The following C1orf21 variants were observed in gnomAD, a reference collection of about 807,000 sequenced individuals.
C1orf21 encodes chromosome 1 open reading frame 21.
C1orf21 carries 3 observed loss-of-function variants against 18.7 expected under a neutral mutation model. The observed-to-expected ratio is 0.16, with a 90% confidence interval of 0.07 to 0.42. C1orf21 has a LOEUF of 0.42. Among genes scored for constraint, C1orf21 ranks in the 10% least tolerant of loss-of-function variants. The probability of loss-of-function intolerance (pLI) is 0.99; values close to 1 mark genes in which losing one functional copy is unlikely to be tolerated. For missense variants in C1orf21, 104 were observed against 143.6 expected, an observed-to-expected ratio of 0.72 and a Z score of 1.41; for synonymous variants, 41 against 46.4, an observed-to-expected ratio of 0.88 and a Z score of 0.47.
intron 3 of C1orf21, among the ~76,000 whole-genome samples, chr1:184,584,192 C>T (rs1346021582): frequency 7.1e-6 from 1 of 141,294 alleles, no homozygotes; most frequent in Non-Finnish European, 1.5e-5. Flanking sequence ...CCTTTCCCAA[C>T]ACACAAATCC....
At position 184,390,308 on chromosome 1, in the gene C1orf21, CAA is replaced by C. The variant is rs202155953; in HGVS notation, c.-125+2942_-125+2943del. 8.1e-3 allele frequency among the ~76,000 whole-genome samples: 1,232 copies of C among 152,244 alleles called. 16 individuals are homozygous for C. The highest frequency in any genetic ancestry group is 0.028 in the African/African-American group (1,176 of 41,548). On this transcript the variant is annotated intron_variant, in intron 1 of 5. Transcript: ENST00000235307. ...TGGGTGGAATGGAATCCAGACGCAT[CAA>C]AGAGTTAGGAAAGGGTATGTACACA...
At chr1:184,504,910 TTC>T (rs895186658) in intron 2 of C1orf21, among the ~76,000 whole-genome samples, 20 of 152,324 alleles carry the variant, frequency 1.3e-4, no homozygotes, top group African/African-American at 4.6e-4. Flanking sequence ...TTGGTGGGGA[TTC>T]TGTCTTGATT....
intron 5 of C1orf21, among the ~76,000 whole-genome samples, chr1:184,613,919 A>G (rs548601475): frequency 3.3e-5 from 5 of 151,942 alleles, no homozygotes; most frequent in Non-Finnish European, 5.9e-5. Flanking sequence ...AGGAAGGAAA[A>G]TTGCTTGAAC....
chr1:184,510,802 T>TTC (rs74318293), intron 3 of C1orf21, among the ~76,000 whole-genome samples: 25,805 of 152,064 alleles, frequency 0.17, 2,466 homozygotes, highest in Admixed American at 0.29. Flanking sequence ...ATTGGTAGAA[T>TTC]GGGATTACAA....
intron 3 of C1orf21, among the ~76,000 whole-genome samples, chr1:184,528,761 A>G (rs1157543236): frequency 6.6e-6 from 1 of 152,184 alleles, no homozygotes; most frequent in South Asian, 2.1e-4. Flanking sequence ...TTAAATTTTA[A>G]TGGATGTGTA....
At chr1:184,509,249 T>A (rs1396086612) in intron 3 of C1orf21, among the ~76,000 whole-genome samples, 2 of 152,226 alleles carry the variant, frequency 1.3e-5, no homozygotes, top group African/African-American at 4.8e-5. Context: ...TATAACTTTT[T>A]TCCTTCTCTC....
At chr1:184,412,682 C>T (rs947259435) in intron 1 of C1orf21, among the ~76,000 whole-genome samples, 1 of 152,138 alleles carries the variant, frequency 6.6e-6, no homozygotes, top group African/African-American at 2.4e-5. Flanking sequence ...GTGGCACACA[C>T]CTGTCATCCT....
intron 3 of C1orf21, chr1:184,568,373 C>A: frequency 3.2e-6 from 1 of 312,338 alleles, no homozygotes; most frequent in Non-Finnish European, 6.3e-6. Context: ...TAAACACTAA[C>A]TCCTCCTTCC....
At chr1:184,577,682 G>C (rs919299888) in intron 3 of C1orf21, among the ~76,000 whole-genome samples, 1 of 152,042 alleles carries the variant, frequency 6.6e-6, no homozygotes, top group Non-Finnish European at 1.5e-5. Flanking sequence ...GACATGCGCA[G>C]TTTCTCAGTT....
chr1:184,413,607 C>T (rs559422600), intron 1 of C1orf21, among the ~76,000 whole-genome samples: 6 of 152,270 alleles, frequency 3.9e-5, no homozygotes, highest in Admixed American at 2.0e-4. Context: ...TTCTGAAAAA[C>T]GCCCAGGAAC....
intron 1 of C1orf21, among the ~76,000 whole-genome samples, chr1:184,410,617 T>C (rs1482368982): frequency 4.7e-5 from 1 of 21,156 alleles, no homozygotes; most frequent in Admixed American, 6.5e-4. Context: ...GCCATATATA[T>C]TATATATATA....
intron 3 of C1orf21, 45 bp downstream of exon 3, chr1:184,507,727 A>G: frequency 1.3e-6 from 2 of 1,483,906 alleles, no homozygotes; most frequent in Admixed American, 2.3e-5. Context: ...TGGTGACACT[A>G]TTGTAATAAA....
chr1:184,541,360 C>T (rs1557998352), intron 3 of C1orf21, among the ~76,000 whole-genome samples: 2 of 152,162 alleles, frequency 1.3e-5, no homozygotes, highest in Non-Finnish European at 2.9e-5. Flanking sequence ...TGACTTTGAG[C>T]ACCATCCTCA....
intron 3 of C1orf21, among the ~76,000 whole-genome samples, chr1:184,516,810 G>A (rs553078868): frequency 2.0e-5 from 3 of 152,306 alleles, no homozygotes; most frequent in Admixed American, 6.5e-5. Flanking sequence ...TTTGGGTGGG[G>A]ACACAGAGCC....
intron 1 of C1orf21, among the ~76,000 whole-genome samples, chr1:184,403,822 C>A: frequency 6.6e-6 from 1 of 152,072 alleles, no homozygotes; most frequent in East Asian, 1.9e-4. Flanking sequence ...CTGGGTCAAG[C>A]AGTAAGAAAT....
intron 2 of C1orf21, among the ~76,000 whole-genome samples, chr1:184,478,944 T>C (rs1345517232): frequency 6.6e-6 from 1 of 150,548 alleles, no homozygotes; most frequent in Non-Finnish European, 1.5e-5. Context: ...CAAATAATTC[T>C]ACTACTTTTA....
At chr1:184,539,284 G>T (rs192913865) in intron 3 of C1orf21, among the ~76,000 whole-genome samples, 31 of 152,150 alleles carry the variant, frequency 2.0e-4, no homozygotes, top group Non-Finnish European at 4.3e-4. Context: ...TGTAAATGTG[G>T]TATATTACAT....
chr1:184,462,590 AT>A (rs1165405517), intron 1 of C1orf21, among the ~76,000 whole-genome samples: 2 of 152,100 alleles, frequency 1.3e-5, no homozygotes, highest in African/African-American at 4.8e-5. Flanking sequence ...TGAACACAGT[AT>A]TTGTGTTCTC....
At chr1:184,495,208 T>C (rs1282612523) in intron 2 of C1orf21, among the ~76,000 whole-genome samples, 2 of 152,170 alleles carry the variant, frequency 1.3e-5, no homozygotes, top group African/African-American at 4.8e-5. Context: ...CACCTGGCTC[T>C]TGCCTTCCCC....
Sources: allele counts gnomAD v4.1 joint callset (sites outside exome capture counted in the v4.1 genomes callset), GRCh38; gene constraint gnomAD v4.1.1; transcripts MANE v1.5; gene names NCBI Gene and HGNC (gene_info 2026-07-23, HGNC 2026-07-21).